DCC: variants seen among roughly 807,000 people sequenced by gnomAD.
DCC encodes the protein DCC netrin 1 receptor, also known as netrin receptor DCC.
Under a neutral mutation model 172.5 loss-of-function variants are expected in DCC, and 58 were observed. The ratio of observed to expected loss-of-function variants is 0.34; its 90% CI spans 0.27 to 0.42. The LOEUF (loss-of-function observed/expected upper bound fraction) is 0.42, where lower values mean the gene tolerates loss of function less well. DCC is among the 10% of genes least tolerant of loss of function. The pLI is 1.00. For synonymous variants in DCC, 709 were observed against 644.5 expected, an observed-to-expected ratio of 1.10 and a Z score of -1.52; for missense variants, 1,740 against 1,791.0, an observed-to-expected ratio of 0.97 and a Z score of 0.51.
intron 12 of DCC, among the ~76,000 whole-genome samples, chr18:53,267,614 A>C (rs2056696370): frequency 6.6e-6 from 1 of 152,110 alleles, no homozygotes; most frequent in Admixed American, 6.6e-5. Context: ...ATGAATAATC[A>C]TGCCCAACTA....
intron 1 of DCC, among the ~76,000 whole-genome samples, chr18:52,460,323 CT>C (rs1411290894): frequency 6.6e-6 from 1 of 152,170 alleles, no homozygotes; most frequent in Non-Finnish European, 1.5e-5. Flanking sequence ...AAACCCAATA[CT>C]GCATTCTGAT....
At chr18:53,421,762 C>CTTTTGGT (rs1251785409) in intron 21 of DCC, among the ~76,000 whole-genome samples, 6 of 152,140 alleles carry the variant, frequency 3.9e-5, no homozygotes. Flanking sequence ...ACTAAATTAT[C>CTTTTGGT]TTTTGGTTTC....
chr18:52,722,934 T>C (rs983927586), intron 1 of DCC, among the ~76,000 whole-genome samples: 1 of 151,708 alleles, frequency 6.6e-6, no homozygotes, highest in Non-Finnish European at 1.5e-5. Flanking sequence ...TGTTAGAAAA[T>C]GTTTTGGTTC....
intron 2 of DCC, among the ~76,000 whole-genome samples, chr18:52,808,165 T>TA (rs1401473068): frequency 6.6e-6 from 1 of 150,574 alleles, no homozygotes; most frequent in African/African-American, 2.4e-5. Flanking sequence ...CGTGCACACA[T>TA]ATACAAGTTA....
chr18:52,948,958 T>C (rs536566291), intron 5 of DCC, among the ~76,000 whole-genome samples: 3 of 152,318 alleles, frequency 2.0e-5, no homozygotes, highest in African/African-American at 7.2e-5. Flanking sequence ...GATGTCATGC[T>C]TGTAACCCTT....
chr18:53,458,689 G>A (rs929460666), intron 23 of DCC, among the ~76,000 whole-genome samples: 4 of 152,216 alleles, frequency 2.6e-5, no homozygotes, highest in African/African-American at 9.6e-5. Flanking sequence ...AGGCAAAAGT[G>A]TTTTATTCTC....
chr18:52,538,344 C>A (rs1214068702), intron 1 of DCC, among the ~76,000 whole-genome samples: 1 of 152,168 alleles, frequency 6.6e-6, no homozygotes, highest in East Asian at 1.9e-4. Flanking sequence ...TTCTCTCCTC[C>A]AACCCACTGC....
chr18:52,726,616 G>A (rs2036555662), intron 1 of DCC, among the ~76,000 whole-genome samples: 1 of 151,984 alleles, frequency 6.6e-6, no homozygotes. Context: ...ACATTTTATT[G>A]TTTTTGCATT....
intron 1 of DCC, among the ~76,000 whole-genome samples, chr18:52,538,685 A>G (rs1406008965): frequency 1.3e-5 from 2 of 152,108 alleles, no homozygotes; most frequent in African/African-American, 4.8e-5. Flanking sequence ...CTATCCTAAC[A>G]CCTCTTCAGA....
intron 2 of DCC, among the ~76,000 whole-genome samples, chr18:52,874,894 T>C (rs1416325133): frequency 6.6e-6 from 1 of 152,102 alleles, no homozygotes; most frequent in Admixed American, 6.6e-5. Context: ...CTGGTGTTTC[T>C]TTGGGAAAGG....
At chr18:52,518,143 A>G (rs1055739246) in intron 1 of DCC, among the ~76,000 whole-genome samples, 2 of 152,202 alleles carry the variant, frequency 1.3e-5, no homozygotes, top group Non-Finnish European at 2.9e-5. Context: ...CCTAGAAACA[A>G]TTAGCTTTCT....
At chr18:52,734,191 A>G (rs1351650431) in intron 1 of DCC, among the ~76,000 whole-genome samples, 1 of 152,050 alleles carries the variant, frequency 6.6e-6, no homozygotes, top group Non-Finnish European at 1.5e-5. Context: ...GTATATATGT[A>G]TGGGGTACAT....
intron 13 of DCC, among the ~76,000 whole-genome samples, chr18:53,309,541 A>G (rs922625476): frequency 3.3e-5 from 5 of 152,208 alleles, no homozygotes; most frequent in Admixed American, 6.5e-5. Flanking sequence ...CCTCTCAAGG[A>G]CAATCATTTT....
chr18:53,250,526 C>T (rs2056416676), intron 12 of DCC, among the ~76,000 whole-genome samples: 1 of 151,742 alleles, frequency 6.6e-6, no homozygotes, highest in Admixed American at 6.6e-5. Context: ...CTGCCCAGCT[C>T]CCAGACCTAC....
rs1489957530 is a variant in DCC at position 53,033,284 on chromosome 18, G to C, written c.986-30021G>C. 2.0e-5 allele frequency among the ~76,000 whole-genome samples: 3 copies of C among 152,084 alleles called. No individual in the cohort carries two copies. The East Asian group carries it at 5.8e-4, about 29-fold the overall frequency. On this transcript the variant is annotated intron_variant, in intron 5 of 28. Coordinates refer to ENST00000442544, the MANE Select transcript of DCC (RefSeq NM_005215.4). Reference sequence around the variant, plus strand: ...TGGGTGGAAGACAACCCAAGACCTTGCTGGCTGGTCTCCCTAAATTATGTT... The same window carrying C: ...TGGGTGGAAGACAACCCAAGACCTTCCTGGCTGGTCTCCCTAAATTATGTT...
intron 2 of DCC, among the ~76,000 whole-genome samples, chr18:52,780,132 T>C (rs1311158192): frequency 2.6e-5 from 4 of 152,178 alleles, no homozygotes; most frequent in African/African-American, 9.7e-5. Context: ...GGTTCATTTC[T>C]AGTACATCAT....
intron 2 of DCC, among the ~76,000 whole-genome samples, chr18:52,838,546 A>G (rs558947136): frequency 6.6e-6 from 1 of 152,256 alleles, no homozygotes; most frequent in East Asian, 1.9e-4. Flanking sequence ...TTTTTATGGT[A>G]AGAAATCGAT....
intron 5 of DCC, among the ~76,000 whole-genome samples, chr18:53,050,675 C>A (rs2042322196): frequency 6.6e-6 from 1 of 152,048 alleles, no homozygotes; most frequent in Admixed American, 6.6e-5. Context: ...AGCTTTTGGA[C>A]AGAGACGTTG....
intron 5 of DCC, among the ~76,000 whole-genome samples, chr18:53,019,904 T>C (rs959295157): frequency 3.3e-5 from 5 of 152,170 alleles, no homozygotes; most frequent in Non-Finnish European, 4.4e-5. Flanking sequence ...GATGTAGATA[T>C]TAGGAATTAT....
Sources: gnomAD v4.1 joint callset for allele counts (sites outside exome capture counted in the v4.1 genomes callset) on GRCh38, gnomAD v4.1.1 for gene constraint, MANE v1.5 for transcripts, NCBI Gene and HGNC (gene_info 2026-07-23, HGNC 2026-07-21) for gene names.